Variants in WRN observed in about 807,000 individuals in gnomAD.
The protein encoded by WRN is bifunctional 3'-5' exonuclease/ATP-dependent helicase WRN.
WRN carries 149 observed loss-of-function variants against 180.7 expected under a neutral mutation model. That is an observed-to-expected ratio of 0.82 (90% CI 0.72 to 0.94). WRN has a LOEUF of 0.94. WRN is among the 40% of genes least tolerant of loss of function. The pLI is 0.00. For missense variants in WRN, 1,661 were observed against 1,700.1 expected, an observed-to-expected ratio of 0.98 and a Z score of 0.40; for synonymous variants, 548 against 568.9, an observed-to-expected ratio of 0.96 and a Z score of 0.52.
At chr8:31,049,210 CAAAAA>C (rs72226104) in intron 1 of WRN, among the ~76,000 whole-genome samples, 11 of 31,778 alleles carry the variant, frequency 3.5e-4, no homozygotes, top group Non-Finnish European at 5.5e-4. Flanking sequence ...GACTCTGTCT[CAAAAA>C]AAAAAAAAAA....
rs778273642 is a variant in WRN at position 31,076,334 on chromosome 8, T to G, written c.839+47T>G. On this transcript the variant is annotated intron_variant, in intron 8 of 34. Coordinates refer to ENST00000298139, the MANE Select transcript of WRN (RefSeq NM_000553.6). ...TTTTAACTTAAATCAATTCTGTTTA[T>G]TTTTTTATCACATTTTCCTATATGT... 9 of 1,485,606 alleles carry G rather than the reference T, an allele frequency of 6.1e-6. No homozygotes were observed. The Admixed American group carries it at 1.5e-4, about 26-fold the overall frequency. 92.0% of individuals were successfully genotyped at this position (1,485,606 alleles called of 1,614,324 possible).
chr8:31,160,621 T>C (rs1803574198), intron 33 of WRN, among the ~76,000 whole-genome samples: 1 of 152,220 alleles, frequency 6.6e-6, no homozygotes, highest in South Asian at 2.1e-4. Flanking sequence ...TAGAAATGTA[T>C]TGTCTCTCAG....
At chr8:31,141,304 A>C in intron 24 of WRN, 126 bp from the exon 25 acceptor site, 1 of 1,218,112 alleles carries the variant, frequency 8.2e-7, no homozygotes, top group South Asian at 1.4e-5. Flanking sequence ...TGGGTATAAC[A>C]TTTTTGTAGG....
intron 17 of WRN, among the ~76,000 whole-genome samples, chr8:31,100,158 G>T (rs553102392): frequency 6.6e-6 from 1 of 152,128 alleles, no homozygotes; most frequent in African/African-American, 2.4e-5. Context: ...ACATTGTCAC[G>T]GATGATTTTA....
chr8:31,122,860 GTTTT>G (rs71206298), intron 21 of WRN, among the ~76,000 whole-genome samples: 1 of 69,482 alleles, frequency 1.4e-5, no homozygotes, highest in African/African-American at 5.2e-5. Context: ...TTCTTTTCTT[GTTTT>G]TTTTTTTTTT....
chr8:31,163,640 G>T (rs1307123968), intron 33 of WRN, among the ~76,000 whole-genome samples: 2 of 151,880 alleles, frequency 1.3e-5, no homozygotes, highest in Non-Finnish European at 2.9e-5. Flanking sequence ...TATTTATTGA[G>T]TGTCTTTAAA....
chr8:31,102,560 G>A (rs1479580257), intron 18 of WRN, among the ~76,000 whole-genome samples: 2 of 152,204 alleles, frequency 1.3e-5, no homozygotes, highest in East Asian at 3.8e-4. Flanking sequence ...GCAGGCAATT[G>A]TAATACAATG....
rs748311798 is a variant in WRN at position 31,096,859 on chromosome 8, TAAAG to T, written c.1981+15_1981+18del. ...ACTTGAGGCTGATATTGGTAAGTGA[TAAAG>T]AAAGATCTCTGTAAATACTTACTGA... is the stretch of plus-strand genomic sequence containing the variant. On this transcript the variant is annotated intron_variant, in intron 17 of 34. Transcript: ENST00000298139. The T allele has an allele frequency of 1.9e-6, 3 of 1,610,094 alleles. No individual in the cohort carries two copies. In the South Asian group the frequency reaches 3.3e-5, roughly 18 times the overall value.
chr8:31,155,134 AAAAC>A (rs781390398), intron 32 of WRN, among the ~76,000 whole-genome samples: 20 of 152,354 alleles, frequency 1.3e-4, no homozygotes, highest in African/African-American at 3.6e-4. Flanking sequence ...GCAAAACAGA[AAAAC>A]AAACGTAAAC....
At chr8:31,117,096 G>T (rs150324125) in intron 20 of WRN, among the ~76,000 whole-genome samples, 26 of 152,298 alleles carry the variant, frequency 1.7e-4, no homozygotes, top group Non-Finnish European at 3.2e-4. Flanking sequence ...GAAGCAGTCT[G>T]GGCTTGGTAT....
At chr8:31,087,971 A>G in intron 12 of WRN, 51 bp downstream of exon 12, 1 of 1,589,640 alleles carries the variant, frequency 6.3e-7, no homozygotes, top group Non-Finnish European at 8.6e-7. Flanking sequence ...CCTACCACTG[A>G]CTTTAACTTA....
chr8:31,123,841 CAG>C (rs1445339452), intron 21 of WRN, among the ~76,000 whole-genome samples: 1 of 152,070 alleles, frequency 6.6e-6, no homozygotes, highest in Non-Finnish European at 1.5e-5. Flanking sequence ...TAGAAATTAA[CAG>C]AGTCATGATG....
chr8:31,123,676 C>A (rs1177821228), intron 21 of WRN, among the ~76,000 whole-genome samples: 2 of 152,064 alleles, frequency 1.3e-5, no homozygotes, highest in African/African-American at 4.8e-5. Context: ...CTAATGCTGT[C>A]CCTTAGATAT....
intron 18 of WRN, 99 bp from the exon 19 acceptor site, chr8:31,111,516 C>T: frequency 1.4e-6 from 2 of 1,429,792 alleles, no homozygotes; most frequent in Non-Finnish European, 9.7e-7. Flanking sequence ...CATTGTACCA[C>T]AAACTGTTGT....
chr8:31,138,159 T>G (rs2130398694), intron 24 of WRN, among the ~76,000 whole-genome samples: 1 of 152,220 alleles, frequency 6.6e-6, no homozygotes, highest in Admixed American at 6.5e-5. Flanking sequence ...CTAGCTTTAG[T>G]ACGGCTACAC....
intron 20 of WRN, among the ~76,000 whole-genome samples, chr8:31,116,892 A>C (rs1378445432): frequency 6.6e-6 from 1 of 152,208 alleles, no homozygotes; most frequent in Non-Finnish European, 1.5e-5. Context: ...TAGCAGGTGC[A>C]AAGACACTTT....
chr8:31,079,458 T>A (rs1202528298), intron 8 of WRN, among the ~76,000 whole-genome samples: 1 of 152,208 alleles, frequency 6.6e-6, no homozygotes. Flanking sequence ...TCACTTTCAC[T>A]GATTTCTGCT....
intron 24 of WRN, among the ~76,000 whole-genome samples, chr8:31,140,381 A>G (rs1023010252): frequency 6.6e-5 from 10 of 152,162 alleles, no homozygotes; most frequent in African/African-American, 2.2e-4. Flanking sequence ...AAGAGGCAGT[A>G]AGAGAACAAA....
chr8:31,135,115 T>C (rs1802349499), intron 24 of WRN, among the ~76,000 whole-genome samples: 1 of 152,090 alleles, frequency 6.6e-6, no homozygotes, highest in Non-Finnish European at 1.5e-5. Flanking sequence ...TGCAGTGGTG[T>C]GATCATAGCT....
Sources: allele counts gnomAD v4.1 joint callset (sites outside exome capture counted in the v4.1 genomes callset), GRCh38; gene constraint gnomAD v4.1.1; transcripts MANE v1.5; gene names NCBI Gene and HGNC (gene_info 2026-07-23, HGNC 2026-07-21).